CFI: variants seen among roughly 807,000 people sequenced by gnomAD.
CFI encodes the protein C3B/C4B inactivator.
Under a neutral mutation model 78.8 loss-of-function variants are expected in CFI, and 66 were observed. The ratio of observed to expected loss-of-function variants is 0.84; its 90% CI spans 0.69 to 1.03. The LOEUF (loss-of-function observed/expected upper bound fraction) is 1.03. Ranked by LOEUF, CFI falls within the 50% of genes least tolerant of loss-of-function variation. CFI has a pLI of 0.00. For missense variants in CFI, 706 were observed against 704.5 expected (o/e 1.00, Z -0.02); for synonymous variants, 250 against 232.6 (o/e 1.07, Z -0.68).
rs2078833173 is a variant in CFI at position 109,744,375 on chromosome 4, C to G, written c.1430-1780G>C. ...ATGTGGGGGAATATGTTGAATAGCT[C>G]CTGAATGTGCCTCAGACCATTCTCC... is the stretch of plus-strand genomic sequence containing the variant. On this transcript the variant is annotated intron_variant, in intron 11 of 12. Coordinates refer to ENST00000394634, the MANE Select transcript of CFI (RefSeq NM_000204.5). 2.6e-5 allele frequency among the ~76,000 whole-genome samples: 4 copies of G among 152,210 alleles called. No homozygotes were observed. In the South Asian group the frequency reaches 8.3e-4, roughly 32 times the overall value.
At chr4:109,795,331 C>G (rs1731925913) in intron 1 of CFI, among the ~76,000 whole-genome samples, 1 of 152,202 alleles carries the variant, frequency 6.6e-6, no homozygotes, top group Admixed American at 6.5e-5. Flanking sequence ...GCCTTGCCAG[C>G]TGACCCACCC....
rs1561297898 is a variant in CFI at position 109,756,945 on chromosome 4, GAAA to G, written c.904+815_904+817del. ...AGAAAGAAAGAAAGAAAGAAAGAAAGAAAGAAAGAAAGAAAGAAAGAAAGAAAG... is the reference window on the plus strand; with the variant it reads ...AGAAAGAAAGAAAGAAAGAAAGAAAGGAAAGAAAGAAAGAAAGAAAGAAAG... On this transcript the variant is annotated intron_variant, in intron 7 of 12. Coordinates refer to ENST00000394634, the MANE Select transcript of CFI (RefSeq NM_000204.5). 3.9e-4 allele frequency among the ~76,000 whole-genome samples: 57 copies of G among 145,204 alleles called. 2 individuals are homozygous for G. The South Asian group carries it at 0.012, about 31-fold the overall frequency.
At chr4:109,765,980 T>C (rs534449408) in intron 2 of CFI, among the ~76,000 whole-genome samples, 73 of 152,086 alleles carry the variant, frequency 4.8e-4, no homozygotes, top group African/African-American at 1.7e-3. Context: ...TAGCTGGGCA[T>C]GGTGGCAGGC....
chr4:109,781,812 T>C (rs1730072385), intron 1 of CFI, among the ~76,000 whole-genome samples: 1 of 152,150 alleles, frequency 6.6e-6, no homozygotes, highest in Non-Finnish European at 1.5e-5. Flanking sequence ...TAATCTACCA[T>C]GATCAAGTAG....
chr4:109,800,828 G>C (rs577817799), intron 1 of CFI, among the ~76,000 whole-genome samples: 2 of 151,964 alleles, frequency 1.3e-5, no homozygotes, highest in African/African-American at 4.8e-5. Context: ...TTGTAGTAAG[G>C]ACTTTTTATT....
intron 1 of CFI, among the ~76,000 whole-genome samples, chr4:109,798,859 C>T (rs1732400522): frequency 1.3e-5 from 2 of 150,494 alleles, no homozygotes; most frequent in Non-Finnish European, 2.9e-5. Flanking sequence ...AGTATTTAGA[C>T]AGAGATTTCC....
chr4:109,741,374 G>A, intron 12 of CFI: 2 of 985,322 alleles, frequency 2.0e-6, no homozygotes, highest in Non-Finnish European at 2.4e-6. Flanking sequence ...ACTGAGATGA[G>A]ATTGCAACCT....
intron 3 of CFI, chr4:109,762,469 A>G (rs1023965746): frequency 3.3e-5 from 5 of 152,184 alleles, no homozygotes; most frequent in Non-Finnish European, 7.3e-5. Flanking sequence ...GTATTATCCT[A>G]GAGATGATGA....
At chr4:109,731,578 A>C in the CFI span, among the ~76,000 whole-genome samples, 94,628 of 152,042 alleles carry the variant, frequency 0.62, 30,735 homozygotes, top group African/African-American at 0.82. Flanking sequence ...AAGGATGCAG[A>C]CTTTGGGCAA....
chr4:109,739,700 C>T (rs2126176571), downstream of CFI, among the ~76,000 whole-genome samples: 1 of 152,162 alleles, frequency 6.6e-6, no homozygotes, highest in Non-Finnish European at 1.5e-5. Context: ...AGCTGAAGAT[C>T]CAGATTTGTG....
chr4:109,800,902 C>T (rs960510194), intron 1 of CFI, among the ~76,000 whole-genome samples: 4 of 152,030 alleles, frequency 2.6e-5, no homozygotes, highest in African/African-American at 9.6e-5. Context: ...ATAATTTAAC[C>T]AGTGTCTTAT....
At chr4:109,793,012 G>T (rs763489901) in intron 1 of CFI, among the ~76,000 whole-genome samples, 13 of 152,014 alleles carry the variant, frequency 8.6e-5, no homozygotes, top group Non-Finnish European at 1.5e-4. Context: ...TTTGTTTATT[G>T]TATGTCTTAT....
At chr4:109,801,237 G>T (rs1043614148) in intron 1 of CFI, among the ~76,000 whole-genome samples, 2 of 152,068 alleles carry the variant, frequency 1.3e-5, no homozygotes, top group Non-Finnish European at 2.9e-5. Flanking sequence ...TATTTGGAGG[G>T]GCCTAGTGCA....
chr4:109,781,772 C>T, intron 1 of CFI, among the ~76,000 whole-genome samples: 1 of 152,104 alleles, frequency 6.6e-6, no homozygotes, highest in East Asian at 1.9e-4. Context: ...AAAATACTAG[C>T]TAACCAAATC....
chr4:109,762,341 G>GT (rs1177568288), intron 3 of CFI: 12 of 152,426 alleles, frequency 7.9e-5, no homozygotes, highest in Non-Finnish European at 1.6e-4. Flanking sequence ...TGCTTTTACA[G>GT]TAAGCTACAT....
chr4:109,800,861 G>A (rs1194510170), intron 1 of CFI, among the ~76,000 whole-genome samples: 2 of 151,962 alleles, frequency 1.3e-5, no homozygotes, highest in East Asian at 3.9e-4. Context: ...TCATTTCAAT[G>A]GCTATGTAAT....
Position 109,746,446 on chromosome 4 carries a change from G to A in CFI, c.1205C>T (p.Pro402Leu), listed in dbSNP as rs756096859. 3.1e-6 allele frequency: 5 copies of A among 1,613,762 alleles called. No homozygotes were observed. In the Admixed American group the frequency reaches 8.3e-5, roughly 27 times the overall value. ...TTCAATTACTATACGTTTAAGGTCG[G>A]GGTGTATCCAGTCTACTACTGTTGT... ...IWTTVVDWIH[P>L]DLKRIVIEYV... Residue 402 changes from proline (P) to leucine (L), a missense_variant, in exon 11 of 13, where the codon CCC becomes CTC. By Grantham distance (98) the Pro-to-Leu change is moderately conservative. Transcript: ENST00000394634.
At chr4:109,756,850 T>G (rs962457341) in intron 7 of CFI, among the ~76,000 whole-genome samples, 7 of 135,138 alleles carry the variant, frequency 5.2e-5, no homozygotes, top group African/African-American at 2.0e-4. Context: ...CAAGACCGAG[T>G]ACAAGACCGA....
At chr4:109,783,022 T>A (rs1462734563) in intron 1 of CFI, among the ~76,000 whole-genome samples, 2 of 152,020 alleles carry the variant, frequency 1.3e-5, no homozygotes, top group Non-Finnish European at 2.9e-5. Flanking sequence ...TATACAAAAA[T>A]CAACTCAAGA....
Sources: allele counts gnomAD v4.1 joint callset (sites outside exome capture counted in the v4.1 genomes callset), GRCh38; gene constraint gnomAD v4.1.1; transcripts MANE v1.5; gene names NCBI Gene and HGNC (gene_info 2026-07-23, HGNC 2026-07-21).